VPS50: variants seen among roughly 807,000 people sequenced by gnomAD.
VPS50 encodes VPS50 subunit of EARP/GARPII complex, also known as syndetin.
Under a neutral mutation model 139.7 loss-of-function variants are expected in VPS50, and 70 were observed. The observed-to-expected ratio is 0.50, with a 90% CI of 0.41 to 0.61. The LOEUF (loss-of-function observed/expected upper bound fraction) is 0.61. VPS50 is among the 20% of genes least tolerant of loss of function. VPS50 has a pLI of 0.00. For synonymous variants in VPS50, 365 were observed against 376.7 expected, an observed-to-expected ratio of 0.97 and a Z score of 0.36; for missense variants, 921 against 1,133.7, an observed-to-expected ratio of 0.81 and a Z score of 2.69.
intron 23 of VPS50, 152 bp from the exon 24 acceptor site, chr7:93,348,559 C>G: frequency 1.7e-6 from 1 of 573,782 alleles, no homozygotes; most frequent in Non-Finnish European, 3.1e-6. Context: ...ATGAACATGT[C>G]AAGTGGTAGT....
intron 20 of VPS50, among the ~76,000 whole-genome samples, chr7:93,322,325 C>T (rs1462152957): frequency 1.3e-5 from 2 of 151,936 alleles, no homozygotes; most frequent in Non-Finnish European, 2.9e-5. Flanking sequence ...TTAGGCCGGG[C>T]GCGGTGGCTC....
chr7:93,310,643 C>T (rs991582618), intron 19 of VPS50, among the ~76,000 whole-genome samples: 5 of 151,964 alleles, frequency 3.3e-5, no homozygotes, highest in African/African-American at 9.7e-5. Context: ...CTTCTACATG[C>T]GAACGTGGTG....
At position 93,348,741 on chromosome 7, in the gene VPS50, T is replaced by A. The variant is rs1489211814; in HGVS notation, c.2238T>A (p.Leu746=). 1 of 1,613,718 alleles carries A rather than the reference T, an allele frequency of 6.2e-7. No homozygotes were observed. Among genetic ancestry groups the A allele is most frequent in the Non-Finnish European group, 8.5e-7 (1 of 1,179,652 alleles). Residue 746 remains leucine (L), a synonymous_variant, in exon 24 of 28, where the codon CTT becomes CTA. Coordinates refer to ENST00000305866, the MANE Select transcript of VPS50 (RefSeq NM_017667.4). ...TCTTGGCTGAACAGTTTGAGTTCCT[T>A]CAGCCACATCTGGATGCTGTGATGC... ...LVFLAEQFEF[L]QPHLDAVMPA...
chr7:93,276,125 A>G (rs757302726), intron 11 of VPS50, 40 bp from the exon 12 acceptor site: 2 of 1,497,368 alleles, frequency 1.3e-6, no homozygotes, highest in African/African-American at 1.4e-5. Context: ...ATTTATTTTA[A>G]TAATGTGAAA....
chr7:93,239,780 G>T lies in VPS50; in HGVS notation c.34-86G>T, dbSNP rs1277217786. 5.4e-6 allele frequency: 4 copies of T among 743,414 alleles called. No individual in the cohort carries two copies. The East Asian group carries it at 7.8e-5, about 14-fold the overall frequency. 46.1% of individuals were successfully genotyped at this position (743,414 alleles called of 1,614,324 possible). A position where few individuals can be genotyped will look rare whatever the true frequency, so the allele number is the denominator to read the frequency against. On this transcript the variant is annotated intron_variant, in intron 1 of 27. Coordinates refer to ENST00000305866, the MANE Select transcript of VPS50 (RefSeq NM_017667.4). ...CAGGAAAATTTCTATTTTTAAAGTGGTCATTTCTGTTTCAGTAGGTGTATT... is the reference window on the plus strand; with the variant it reads ...CAGGAAAATTTCTATTTTTAAAGTGTTCATTTCTGTTTCAGTAGGTGTATT...
intron 17 of VPS50, among the ~76,000 whole-genome samples, chr7:93,303,988 A>G (rs1451973296): frequency 1.3e-5 from 2 of 151,946 alleles, no homozygotes; most frequent in Non-Finnish European, 3.0e-5. Context: ...TGCAATTCTT[A>G]AATTTGCCTG....
chr7:93,301,073 G>C (rs1796960286), intron 16 of VPS50, among the ~76,000 whole-genome samples: 1 of 152,014 alleles, frequency 6.6e-6, no homozygotes, highest in African/African-American at 2.4e-5. Flanking sequence ...AAGGTGAGTG[G>C]ATCACGAGGT....
rs143462760 is a variant in VPS50 at position 93,238,628 on chromosome 7, C to T, written c.34-1238C>T. ...TATTGTTTTGGGAAAATGCACATTC[C>T]TGGCCCAAATCTAGAAAAACCTATT... is the stretch of plus-strand genomic sequence containing the variant. On this transcript the variant is annotated intron_variant, in intron 1 of 27. Coordinates refer to ENST00000305866, the MANE Select transcript of VPS50 (RefSeq NM_017667.4). Among the ~76,000 whole-genome samples, 14 of 152,252 alleles carry T rather than the reference C, an allele frequency of 9.2e-5. No homozygotes were observed. The East Asian group carries it at 2.5e-3, about 27-fold the overall frequency.
At chr7:93,244,948 A>G (rs1251303083) in intron 2 of VPS50, among the ~76,000 whole-genome samples, 1 of 151,854 alleles carries the variant, frequency 6.6e-6, no homozygotes, top group African/African-American at 2.4e-5. Context: ...TTTCATAGCA[A>G]ATCATATAAG....
chr7:93,322,599 C>CAA (rs71528064), intron 20 of VPS50, among the ~76,000 whole-genome samples: 2,306 of 63,254 alleles, frequency 0.036, 139 homozygotes, highest in African/African-American at 0.086. Flanking sequence ...GACTCCGTCT[C>CAA]AAAAAAAAAA....
chr7:93,319,171 A>G (rs1178633346), intron 20 of VPS50, among the ~76,000 whole-genome samples: 1 of 152,190 alleles, frequency 6.6e-6, no homozygotes, highest in Non-Finnish European at 1.5e-5. Flanking sequence ...TTTTCCTCTG[A>G]ATATATAATC....
intron 8 of VPS50, chr7:93,259,290 A>G (rs1055835972): frequency 1.7e-5 from 5 of 293,518 alleles, no homozygotes; most frequent in East Asian, 5.7e-5. Context: ...GGATTTATCC[A>G]TAAGTCATGG....
rs113318482 is a variant in VPS50, at chr7:93,330,838, C to A, written c.1978-3279C>A. Among the ~76,000 whole-genome samples the A allele has an allele frequency of 5.9e-3, 884 of 148,892 alleles. 10 individuals carry two copies. The highest frequency in any genetic ancestry group is 0.021 in the African/African-American group (852 of 40,470). ...TTGTCATAAGATAAGAAATATAAGG[C>A]ATATGGATTGGAAAAGAAGTTAGGT... On this transcript the variant is annotated intron_variant, in intron 21 of 27. Transcript: ENST00000305866.
rs578029454 is a variant in VPS50 at position 93,310,629 on chromosome 7, A to G, written c.1749-537A>G. ...TTTCTTGTCACTTTTCCCTCTGTTC[A>G]CTTCTTCTACATGCGAACGTGGTGA... On this transcript the variant is annotated intron_variant, in intron 19 of 27. Coordinates refer to ENST00000305866, the MANE Select transcript of VPS50 (RefSeq NM_017667.4). 2.3e-4 allele frequency among the ~76,000 whole-genome samples: 35 copies of G among 151,378 alleles called. 1 individual carries two copies. In the South Asian group the frequency reaches 7.1e-3, roughly 31 times the overall value.
At chr7:93,357,387 T>C (rs1798736773) in intron 27 of VPS50, among the ~76,000 whole-genome samples, 1 of 152,144 alleles carries the variant, frequency 6.6e-6, no homozygotes, top group Non-Finnish European at 1.5e-5. Flanking sequence ...GCAGGGACTC[T>C]TTTCTGTCTT....
chr7:93,311,608 T>C (rs1797269563), intron 20 of VPS50, among the ~76,000 whole-genome samples: 2 of 152,150 alleles, frequency 1.3e-5, no homozygotes, highest in Admixed American at 6.6e-5. Flanking sequence ...ATTTATACAA[T>C]ATTTTTGTAC....
intron 26 of VPS50, among the ~76,000 whole-genome samples, chr7:93,354,883 A>G (rs1273156604): frequency 6.6e-6 from 1 of 152,144 alleles, no homozygotes; most frequent in African/African-American, 2.4e-5. Flanking sequence ...TATTCACACT[A>G]TCATTTGTCT....
intron 9 of VPS50, among the ~76,000 whole-genome samples, chr7:93,262,353 C>G (rs1353604362): frequency 6.6e-6 from 1 of 152,236 alleles, no homozygotes; most frequent in East Asian, 1.9e-4. Context: ...AAATTGATAT[C>G]AAGTGGCTTC....
intron 21 of VPS50, among the ~76,000 whole-genome samples, chr7:93,330,772 A>AC (rs1349104163): frequency 2.6e-5 from 4 of 151,254 alleles, no homozygotes; most frequent in Admixed American, 2.0e-4. Flanking sequence ...AAAAAAAAAA[A>AC]AAAAAAAAAA....
Sources: allele counts gnomAD v4.1 joint callset (sites outside exome capture counted in the v4.1 genomes callset), GRCh38; gene constraint gnomAD v4.1.1; transcripts MANE v1.5; gene names NCBI Gene and HGNC (gene_info 2026-07-23, HGNC 2026-07-21).